Variants in COL5A3 observed in about 807,000 individuals in gnomAD.
COL5A3 encodes the protein collagen type V alpha 3 chain, also known as collagen alpha-3(V) chain.
COL5A3 carries 172 observed loss-of-function variants against 250.0 expected under a neutral mutation model. The ratio of observed to expected loss-of-function variants is 0.69; its 90% confidence interval spans 0.61 to 0.78. The LOEUF (loss-of-function observed/expected upper bound fraction) is 0.78, where lower values mean the gene tolerates loss of function less well. Ranked by LOEUF, COL5A3 falls within the 30% of genes least tolerant of loss-of-function variation. The pLI is 0.00. For missense variants in COL5A3, 2,340 were observed against 2,334.4 expected, an observed-to-expected ratio of 1.00 and a Z score of -0.05; for synonymous variants, 937 against 900.4, an observed-to-expected ratio of 1.04 and a Z score of -0.73.
intron 24 of COL5A3, 121 bp downstream of exon 24, chr19:9,991,489 G>T: frequency 1.3e-6 from 1 of 795,856 alleles, no homozygotes; most frequent in Non-Finnish European, 2.0e-6. Flanking sequence ...CTGGCTTAGG[G>T]AATGTTGCAG....
At chr19:9,992,134 T>A in intron 21 of COL5A3, 86 bp from the exon 22 acceptor site, 1 of 1,206,060 alleles carries the variant, frequency 8.3e-7, no homozygotes, top group South Asian at 1.3e-5. Flanking sequence ...GGTGGAAAGG[T>A]GAGCAGGGCC....
chr19:9,966,713 G>A lies in COL5A3; in HGVS notation c.4492C>T (p.Arg1498Cys). 6.5e-7 allele frequency: 1 copy of A among 1,537,170 alleles called. No homozygotes were observed. The highest frequency in any genetic ancestry group is 1.2e-5 in the South Asian group (1 of 84,030). Residue 1498 changes from arginine (R) to cysteine (C), a missense_variant, in exon 63 of 67, where the codon CGC (arginine) becomes TGC (cysteine). By Grantham distance (180) the Arg-to-Cys change is radical. Around this residue, in one of 3 missense-constraint regions of COL5A3, gnomAD observed 1,179 missense variants for 1,162.6 expected, o/e 1.01. Coordinates refer to ENST00000264828, the MANE Select transcript of COL5A3 (RefSeq NM_015719.4). ...APAELHGLRR[R>C]RRFVPVPLPV... is the part of the protein sequence containing the mutation. The stretch of plus-strand genomic sequence containing the variant: ...AGCGGGACTGGGACGAAGCGCCGGC[G>A]CCTGCGCAGCCCATGCAGCTCGGCA...
In COL5A3 at chr19:10,009,811, A is replaced by T. The variant is rs1417520790; in HGVS notation, c.88+487T>A. Among the ~76,000 whole-genome samples, 3 of 151,390 alleles carry T rather than the reference A, an allele frequency of 2.0e-5. No individual in the cohort carries two copies. Among genetic ancestry groups the T allele is most frequent in the African/African-American group, 7.3e-5 (3 of 41,090 alleles). On this transcript the variant is annotated intron_variant, in intron 1 of 66. Transcript: ENST00000264828. This position sits in a 1 kb window ranked among gnomAD's most constrained non-coding sequence, Gnocchi z 4.4. ...ATTTGCACCCAAAAATCATAACTAC[A>T]CCCCTCATAGCGGCACTCAGAGACA...
chr19:10,001,171 A>C (rs1428763138), intron 8 of COL5A3, among the ~76,000 whole-genome samples: 1 of 151,736 alleles, frequency 6.6e-6, no homozygotes, highest in Admixed American at 6.6e-5. Flanking sequence ...TTCAAGATGG[A>C]GTCTCACTTT....
rs1326302864 is a variant in COL5A3, at chr19:9,978,993, A to G, written c.2875-13T>C. ...GTCCCAGTTCCCCCTACAGGAGTGC[A>G]AAGGAGGGAAGTCAAGCTCCAGGGA... On this transcript the variant is annotated splice_polypyrimidine_tract_variant and intron_variant, in intron 39 of 66. Transcript: ENST00000264828. 1 of 1,544,318 alleles carries G rather than the reference A, an allele frequency of 6.5e-7. No homozygotes were observed. The highest frequency in any genetic ancestry group is 8.7e-7 in the Non-Finnish European group (1 of 1,149,122).
chr19:9,979,593 C>T (rs1338232916), intron 37 of COL5A3, among the ~76,000 whole-genome samples, 176 bp from the exon 38 acceptor site: 1 of 152,024 alleles, frequency 6.6e-6, no homozygotes, highest in Non-Finnish European at 1.5e-5. Context: ...AGTTTGAGAG[C>T]AGCCTGGTCA....
At chr19:9,991,866 G>A (rs1474463823) in intron 22 of COL5A3, 25 bp from the exon 23 acceptor site, 1 of 1,605,188 alleles carries the variant, frequency 6.2e-7, no homozygotes, top group African/African-American at 1.3e-5. Flanking sequence ...GGGTTTCAGT[G>A]AAGCTAAGAG....
At chr19:9,965,460 T>C (rs566461144) in intron 64 of COL5A3, among the ~76,000 whole-genome samples, 17 of 143,270 alleles carry the variant, frequency 1.2e-4, no homozygotes, top group Admixed American at 2.1e-4. Flanking sequence ...CCGGCCTTCT[T>C]TTTTTTTTTT....
chr19:9,978,811 G>T, intron 40 of COL5A3, 80 bp downstream of exon 40: 2 of 1,082,106 alleles, frequency 1.8e-6, no homozygotes, highest in Non-Finnish European at 2.5e-6. Context: ...CACCCCAAAT[G>T]CTATTCCCCA....
rs1313494049 is a variant in COL5A3 at position 9,978,581 on chromosome 19, C to T, written c.3011G>A (p.Gly1004Glu). The T allele has an allele frequency of 8.2e-6, 13 of 1,582,492 alleles. No homozygotes were observed. The highest frequency in any genetic ancestry group is 9.5e-6 in the Non-Finnish European group (11 of 1,163,786). ...KGDKGPPGPV[G>E]ANGSPGERGP... ...ACATGGGGTTATACTTACATTGGCC[C>T]CCACGGGCCCTGGGGGGCCCTTATC... The change falls in exon 41 of 67, where the codon GGG (glycine) becomes GAG (glutamate). Residue 1004 changes from glycine to glutamate, a missense_variant. Transcript: ENST00000264828.
chr19:9,978,561 G>A lies in COL5A3; in HGVS notation c.3018+13C>T. 6.4e-7 allele frequency: 1 copy of A among 1,572,788 alleles called. No individual in the cohort carries two copies. Among genetic ancestry groups the A allele is most frequent in the South Asian group, 1.1e-5 (1 of 89,146 alleles). ...CCACCCTGCCCCCACCCAGCACATG[G>A]GGTTATACTTACATTGGCCCCCACG... On this transcript the variant is annotated intron_variant, in intron 41 of 66. Coordinates refer to ENST00000264828, the MANE Select transcript of COL5A3 (RefSeq NM_015719.4).
chr19:9,993,188 C>A, intron 19 of COL5A3, 121 bp from the exon 20 acceptor site: 1 of 1,198,064 alleles, frequency 8.3e-7, no homozygotes, highest in Non-Finnish European at 1.2e-6. Flanking sequence ...TGGGAACCTG[C>A]AGACTAAGTT....
chr19:9,998,547 A>C (rs1362438080), intron 8 of COL5A3, among the ~76,000 whole-genome samples: 1 of 152,194 alleles, frequency 6.6e-6, no homozygotes, highest in Non-Finnish European at 1.5e-5. Flanking sequence ...GAATTAAAAC[A>C]ATGCTTGGCA....
At chr19:10,003,281 C>T (rs561001291) in intron 6 of COL5A3, among the ~76,000 whole-genome samples, 1 of 152,274 alleles carries the variant, frequency 6.6e-6, no homozygotes, top group Non-Finnish European at 1.5e-5. Flanking sequence ...GGGTCTGTCC[C>T]CTCCCTCTAG....
intron 61 of COL5A3, 81 bp downstream of exon 61, chr19:9,967,823 G>A (rs1308498018): frequency 7.4e-7 from 1 of 1,357,462 alleles, no homozygotes; most frequent in Non-Finnish European, 1.0e-6. Flanking sequence ...ATAAATGAAG[G>A]CAGAGACGTG....
At position 9,990,853 on chromosome 19, in the gene COL5A3, G is replaced by A. The variant is rs544901790; in HGVS notation, c.1992+757C>T. The stretch of plus-strand genomic sequence containing the variant: ...GCTAGGATTACAGGTGTGAACCACC[G>A]CACCTGACCAATAAAATTAAATTAA... On this transcript the variant is annotated intron_variant, in intron 24 of 66. Coordinates refer to ENST00000264828, the MANE Select transcript of COL5A3 (RefSeq NM_015719.4). Among the ~76,000 whole-genome samples, 6 of 152,142 alleles carry A rather than the reference G, an allele frequency of 3.9e-5. No homozygotes were observed. The South Asian group carries it at 6.2e-4, about 16-fold the overall frequency.
chr19:10,004,147 T>A lies in COL5A3; in HGVS notation c.595-2A>T. The A allele has an allele frequency of 6.2e-7, 1 of 1,610,494 alleles. No individual in the cohort carries two copies. Among genetic ancestry groups the A allele is most frequent in the Non-Finnish European group, 8.5e-7 (1 of 1,176,828 alleles). ...TATCAGCAGCTCCTGAATGTCTCCC[T>A]GGGGGTTGGGGGTGTAGGAGTCAAG... is the stretch of plus-strand genomic sequence containing the variant. On this transcript the variant is annotated splice_acceptor_variant, in intron 4 of 66. Coordinates refer to ENST00000264828, the MANE Select transcript of COL5A3 (RefSeq NM_015719.4). LOFTEE classifies it high-confidence loss of function.
chr19:10,001,830 T>A lies in COL5A3; in HGVS notation c.901A>T (p.Thr301Ser). 6.2e-7 allele frequency: 1 copy of A among 1,613,066 alleles called. No individual in the cohort carries two copies. The highest frequency in any genetic ancestry group is 2.2e-5 in the East Asian group (1 of 44,840). ...GAGGTGACGACCAAAGGCGTGGGGG[T>A]CGGAGGCAGATTTGGAGCTGGAGTC... ...TETPAPNLPP[T>S]PTPLVVTSTV... Residue 301 changes from threonine to serine, a missense_variant, in exon 7 of 67, where the codon ACC becomes TCC. Around this residue, in one of 3 missense-constraint regions of COL5A3, gnomAD observed 1,152 missense variants for 1,146.3 expected, o/e 1.00. Transcript: ENST00000264828.
At chr19:9,990,343 G>A (rs2087167543) in intron 24 of COL5A3, among the ~76,000 whole-genome samples, 1 of 143,884 alleles carries the variant, frequency 7.0e-6, no homozygotes, top group African/African-American at 2.7e-5. Flanking sequence ...GCAGTGAGCT[G>A]AGATCATGCC....
Sources: allele counts gnomAD v4.1 joint callset (sites outside exome capture counted in the v4.1 genomes callset), GRCh38; gene constraint gnomAD v4.1.1; regional missense constraint gnomAD v4.1.1; non-coding constraint Gnocchi (gnomAD v3.1); transcripts MANE v1.5; gene names NCBI Gene and HGNC (gene_info 2026-07-23, HGNC 2026-07-21).